Variants in ADAP1 observed in about 807,000 individuals in gnomAD.
ADAP1 encodes the protein arf-GAP with dual PH domain-containing protein 1.
Under a neutral mutation model 54.9 loss-of-function variants are expected in ADAP1, and 31 were observed. The ratio of observed to expected loss-of-function variants is 0.56; its 90% confidence interval spans 0.42 to 0.76. The LOEUF (loss-of-function observed/expected upper bound fraction) is 0.76, where lower values mean the gene tolerates loss of function less well. ADAP1 is among the 30% of genes least tolerant of loss of function. The probability of loss-of-function intolerance (pLI) is 0.00; values close to 1 mark genes in which losing one functional copy is unlikely to be tolerated. For missense variants in ADAP1, 535 were observed against 512.4 expected (o/e 1.04, Z -0.42); for synonymous variants, 313 against 202.6 (o/e 1.55, Z -4.63).
chr7:898,467 T>TGGAGGTG lies in ADAP1; in HGVS notation c.*447_*453dup, dbSNP rs1407405052. 2 of 242,328 alleles carry TGGAGGTG rather than the reference T, an allele frequency of 8.3e-6. No homozygotes were observed. Among genetic ancestry groups the TGGAGGTG allele is most frequent in the Non-Finnish European group, 1.6e-5 (2 of 121,578 alleles). 15.0% of individuals were successfully genotyped at this position (242,328 alleles called of 1,614,324 possible). ...ACAACAGGCGCTCAATAAATAGTCGTGGAGGTGGGGGGAGGGCGGGGCGGC... is the reference window on the plus strand; with the variant it reads ...ACAACAGGCGCTCAATAAATAGTCGTGGAGGTGGGAGGTGGGGGGAGGGCGGGGCGGC... On this transcript the variant is annotated 3_prime_UTR_variant, in exon 11 of 11. Transcript: ENST00000265846.
rs1562915286 is a variant in ADAP1, at chr7:906,700, CATG to C, written c.389-1531_389-1529del. On this transcript the variant is annotated intron_variant, in intron 4 of 10. Transcript: ENST00000265846. ...GGACAGGGGACACGGGGGACATGGA[CATG>C]GGGGACGGGACATCGGGGACGGGAC... 3.1e-3 allele frequency among the ~76,000 whole-genome samples: 79 copies of C among 25,338 alleles called. 10 individuals are homozygous for C. The highest frequency in any genetic ancestry group is 0.013 in the African/African-American group (74 of 5,780). 16.6% of individuals were successfully genotyped at this position (25,338 alleles called of 152,430 possible).
intron 4 of ADAP1, among the ~76,000 whole-genome samples, chr7:916,006 C>T (rs896158111): frequency 6.6e-6 from 1 of 152,242 alleles, no homozygotes; most frequent in South Asian, 2.1e-4. Flanking sequence ...GCACGCACCC[C>T]CACTTCTGGA....
intron 1 of ADAP1, among the ~76,000 whole-genome samples, chr7:939,778 C>A (rs918813152): frequency 5.9e-5 from 9 of 151,462 alleles, no homozygotes; most frequent in African/African-American, 2.2e-4. Flanking sequence ...TTGCAGTGAG[C>A]CGAGATCGTG....
intron 4 of ADAP1, among the ~76,000 whole-genome samples, chr7:906,416 GA>G (rs1301835793): frequency 3.6e-5 from 1 of 27,468 alleles, no homozygotes; most frequent in African/African-American, 1.4e-4. Flanking sequence ...AGGAGAAAGG[GA>G]GAAAGGGAAA....
At chr7:935,216 G>A (rs1193160888) in intron 2 of ADAP1, 159 bp downstream of exon 2, 1 of 1,038,856 alleles carries the variant, frequency 9.6e-7, no homozygotes, top group Admixed American at 2.0e-5. Flanking sequence ...CGGAGCCGCT[G>A]GAGAGGGGGC....
Position 926,617 on chromosome 7 carries a change from C to A in ADAP1, c.241G>T (p.Ala81Ser), listed in dbSNP as rs1029124712. The A allele has an allele frequency of 3.9e-6, 6 of 1,544,392 alleles. No individual in the cohort carries two copies. Among genetic ancestry groups the A allele is most frequent in the Non-Finnish European group, 3.5e-6 (4 of 1,144,774 alleles). Residue 81 changes from alanine (A) to serine (S), a missense_variant, in exon 3 of 11, where the codon GCG becomes TCG. Physicochemically the swap from Ala to Ser is moderately conservative, Grantham distance 99 (BLOSUM62 1). Coordinates refer to ENST00000265846, the MANE Select transcript of ADAP1 (RefSeq NM_006869.4). The surrounding 1 kb of genome is among the most constrained non-coding windows in gnomAD (Gnocchi z 4.6). ...EFMASHGNDA[A>S]RARFESKVPS... The stretch of plus-strand genomic sequence containing the variant: ...ACTTTGGACTCAAACCTGGCTCTCG[C>A]GGCGTCGTTCCCGTGGGAGGCCATG...
At chr7:929,072 T>C (rs1318275704) in intron 2 of ADAP1, among the ~76,000 whole-genome samples, 2 of 152,006 alleles carry the variant, frequency 1.3e-5, no homozygotes, top group Non-Finnish European at 2.9e-5. Context: ...GGTGGGCAGA[T>C]CACGAGGTCA....
chr7:944,383 T>C (rs1239108903), intron 1 of ADAP1, among the ~76,000 whole-genome samples: 1 of 151,532 alleles, frequency 6.6e-6, no homozygotes, highest in Non-Finnish European at 1.5e-5. Context: ...GCCTCCCAAG[T>C]AGCTGGGATT....
intron 1 of ADAP1, among the ~76,000 whole-genome samples, chr7:937,059 G>A (rs1228925460): frequency 6.6e-6 from 1 of 151,636 alleles, no homozygotes; most frequent in Non-Finnish European, 1.5e-5. Context: ...CTCGGATTTG[G>A]GGGTCATGCC....
chr7:898,800 C>A lies in ADAP1; in HGVS notation c.*121G>T. 1.4e-6 allele frequency: 2 copies of A among 1,397,734 alleles called. No homozygotes were observed. The highest frequency in any genetic ancestry group is 2.0e-6 in the Non-Finnish European group (2 of 1,022,900). 86.6% of individuals were successfully genotyped at this position (1,397,734 alleles called of 1,614,324 possible). On this transcript the variant is annotated 3_prime_UTR_variant, in exon 11 of 11. Transcript: ENST00000265846. ...AAGCTCGGGCCCTACCTGGCCGCGC[C>A]GGGCTGCCCTGAGGAGCAGGTGGGG...
At chr7:954,258 C>T (rs1847334985) in intron 1 of ADAP1, 138 bp downstream of exon 1, 3 of 841,274 alleles carry the variant, frequency 3.6e-6, no homozygotes, top group Non-Finnish European at 4.3e-6. Flanking sequence ...AGCGCCGATC[C>T]GGCCCGGTGT....
intron 4 of ADAP1, among the ~76,000 whole-genome samples, chr7:906,623 A>AGAAAGGAGAAAGGAGAAAGG (rs1433963754): frequency 1.6e-5 from 1 of 62,722 alleles, no homozygotes; most frequent in Non-Finnish European, 3.0e-5. Context: ...AAGGGAAAGG[A>AGAAAGGAGAAAGGAGAAAGG]GAAAGGAGAA....
intron 3 of ADAP1, among the ~76,000 whole-genome samples, chr7:921,818 G>A (rs902480992): frequency 6.6e-6 from 1 of 152,216 alleles, no homozygotes; most frequent in Non-Finnish European, 1.5e-5. Context: ...ATGTGTGGAA[G>A]CCGGGGGCCT....
At chr7:953,595 G>A (rs1445033018) in intron 1 of ADAP1, among the ~76,000 whole-genome samples, 1 of 152,334 alleles carries the variant, frequency 6.6e-6, no homozygotes, top group South Asian at 2.1e-4. Flanking sequence ...CTGCTCCGGC[G>A]GGGCCCTCTC....
intron 2 of ADAP1, among the ~76,000 whole-genome samples, chr7:928,558 C>T (rs146511636): frequency 1.2e-4 from 19 of 152,288 alleles, no homozygotes; most frequent in African/African-American, 3.4e-4. Flanking sequence ...AGGATTTGAT[C>T]GGACATTTCT....
At position 898,820 on chromosome 7, in the gene ADAP1, G is replaced by T; in HGVS notation, c.*101C>A. The stretch of plus-strand genomic sequence containing the variant: ...CGCGCCGGGCTGCCCTGAGGAGCAG[G>T]TGGGGCCAGGTGGCCTCAGGACGCC... On this transcript the variant is annotated 3_prime_UTR_variant, in exon 11 of 11. Coordinates refer to ENST00000265846, the MANE Select transcript of ADAP1 (RefSeq NM_006869.4). 1 of 1,498,598 alleles carries T rather than the reference G, an allele frequency of 6.7e-7. No homozygotes were observed. The highest frequency in any genetic ancestry group is 9.0e-7 in the Non-Finnish European group (1 of 1,109,054). The allele number at this position is 1,498,598 out of a possible 1,614,324, so 92.8% of individuals were successfully genotyped here. A position where few individuals can be genotyped will look rare whatever the true frequency, so the allele number is the denominator to read the frequency against.
rs1209317159 is a variant in ADAP1 at position 926,422 on chromosome 7, C to T, written c.305+131G>A. The T allele has an allele frequency of 2.5e-5, 18 of 734,356 alleles. 1 individual carries two copies. The South Asian group carries it at 2.9e-4, about 12-fold the overall frequency. The allele number at this position is 734,356 out of a possible 1,614,324, so 45.5% of individuals were successfully genotyped here. ...AGGCGGCACCTCGGGGTCTGGGGGACGCAGCTGCGGCTGGCTTCTCCCCGA... is the reference window on the plus strand; with the variant it reads ...AGGCGGCACCTCGGGGTCTGGGGGATGCAGCTGCGGCTGGCTTCTCCCCGA... On this transcript the variant is annotated intron_variant, in intron 3 of 10. Transcript: ENST00000265846. The surrounding 1 kb of genome is among the most constrained non-coding windows in gnomAD (Gnocchi z 4.6).
intron 2 of ADAP1, among the ~76,000 whole-genome samples, chr7:927,781 C>T (rs765447926): frequency 6.6e-6 from 1 of 152,132 alleles, no homozygotes. Context: ...CTCCCGAGGA[C>T]GAGAGCCTCG....
At chr7:907,081 G>A (rs1268870346) in intron 4 of ADAP1, among the ~76,000 whole-genome samples, 1 of 152,118 alleles carries the variant, frequency 6.6e-6, no homozygotes, top group Non-Finnish European at 1.5e-5. Context: ...CGCAGCTGCT[G>A]GGTCCAGGTG....
Sources: allele counts gnomAD v4.1 joint callset (sites outside exome capture counted in the v4.1 genomes callset), GRCh38; gene constraint gnomAD v4.1.1; non-coding constraint Gnocchi (gnomAD v3.1); transcripts MANE v1.5; gene names NCBI Gene and HGNC (gene_info 2026-07-23, HGNC 2026-07-21).